The following NME7 variants were observed in gnomAD, a reference collection of about 807,000 sequenced individuals.
The protein encoded by NME7 is nucleoside diphosphate kinase 7.
In NME7, 41 loss-of-function variants were observed where a neutral mutation model predicts 49.1. That is an observed-to-expected ratio of 0.83 (90% CI 0.65 to 1.08). NME7 has a LOEUF of 1.08. Ranked by LOEUF, NME7 falls within the 50% of genes least tolerant of loss-of-function variation. The pLI is 0.00. For synonymous variants in NME7, 139 were observed against 150.6 expected (o/e 0.92, Z 0.56); for missense variants, 423 against 463.4 (o/e 0.91, Z 0.80).
At chr1:169,237,191 G>T (rs1433007681) in intron 8 of NME7, among the ~76,000 whole-genome samples, 1 of 151,924 alleles carries the variant, frequency 6.6e-6, no homozygotes, top group East Asian at 1.9e-4. Context: ...CCAAAAACCA[G>T]CAAAAGGCAC....
At chr1:169,213,568 C>T (rs910339817) in intron 10 of NME7, among the ~76,000 whole-genome samples, 4 of 152,062 alleles carry the variant, frequency 2.6e-5, no homozygotes, top group Non-Finnish European at 4.4e-5. Flanking sequence ...CTGTGTATCA[C>T]TCCCCATTAA....
Position 169,132,785 on chromosome 1 carries a change from C to T in NME7, c.1131G>A (p.Ter377=). ...TGTGACTTCTTTACTTTCCACACCACTAATTATCCAAGATCTTGAAGAAGT... is the reference window on the plus strand; with the variant it reads ...TGTGACTTCTTTACTTTCCACACCATTAATTATCCAAGATCTTGAAGAAGT... ...VQYFFKILDN[*] Residue 377 remains the stop codon, a stop_retained_variant, in exon 12 of 12, where the codon TAG becomes TAA. Coordinates refer to ENST00000367811, the MANE Select transcript of NME7 (RefSeq NM_013330.5). 6.2e-7 allele frequency: 1 copy of T among 1,613,056 alleles called. No homozygotes were observed. The highest frequency in any genetic ancestry group is 1.7e-5 in the Admixed American group (1 of 59,900).
chr1:169,179,799 C>T (rs1005634565), intron 10 of NME7, among the ~76,000 whole-genome samples: 1 of 152,026 alleles, frequency 6.6e-6, no homozygotes, highest in Non-Finnish European at 1.5e-5. Flanking sequence ...GAGCAACACA[C>T]ACTGGGGCCT....
intron 7 of NME7, among the ~76,000 whole-genome samples, chr1:169,275,524 T>C (rs1284103282): frequency 1.6e-5 from 2 of 127,794 alleles, no homozygotes; most frequent in Non-Finnish European, 3.7e-5. Flanking sequence ...GTGATTTTTG[T>C]ACATTGATTT....
intron 10 of NME7, among the ~76,000 whole-genome samples, chr1:169,218,659 ATTTTTTTTTT>A (rs34342694): frequency 3.5e-4 from 41 of 118,208 alleles, no homozygotes; most frequent in Non-Finnish European, 5.3e-4. Context: ...CCAATTTTGA[ATTTTTTTTTT>A]TTTTTTTTTT....
rs1388974337 is a variant in NME7 at position 169,324,356 on chromosome 1, C to T, written c.111+37G>A. Reference sequence around the variant, plus strand: ...AAGGCAATGGTTCCCATGTTCACCCCCTTTGCCAACATTCAAGCAAAGAAA... The same window carrying T: ...AAGGCAATGGTTCCCATGTTCACCCTCTTTGCCAACATTCAAGCAAAGAAA... On this transcript the variant is annotated intron_variant, in intron 2 of 11. Transcript: ENST00000367811. The T allele has an allele frequency of 3.0e-6, 4 of 1,338,898 alleles. 1 individual carries two copies. The South Asian group carries it at 4.8e-5, about 16-fold the overall frequency. The allele number at this position is 1,338,898 out of a possible 1,614,324, so 82.9% of individuals were successfully genotyped here.
intron 1 of NME7, among the ~76,000 whole-genome samples, chr1:169,331,376 G>A (rs1247787281): frequency 6.6e-6 from 1 of 152,016 alleles, no homozygotes; most frequent in African/African-American, 2.4e-5. Context: ...ATACTGAATG[G>A]GGAAAAACTA....
At chr1:169,152,700 T>C (rs1658946300) in intron 11 of NME7, among the ~76,000 whole-genome samples, 1 of 152,172 alleles carries the variant, frequency 6.6e-6, no homozygotes. Flanking sequence ...AGAAGAAAAT[T>C]TCTGAATGGT....
In NME7 at chr1:169,265,906, C is replaced by G. The variant is rs1021469764; in HGVS notation, c.754+21397G>C. Among the ~76,000 whole-genome samples the G allele has an allele frequency of 3.0e-5, 4 of 132,210 alleles. 1 individual carries two copies. The highest frequency in any genetic ancestry group is 1.0e-4 in the African/African-American group (4 of 39,224). 86.7% of individuals were successfully genotyped at this position (132,210 alleles called of 152,430 possible). A position where few individuals can be genotyped will look rare whatever the true frequency, so the allele number is the denominator to read the frequency against. On this transcript the variant is annotated intron_variant, in intron 7 of 11. Transcript: ENST00000367811. ...CCTGGACATGTACATCCTCCCAACA[C>G]TGAACCAAGAAGAAATTGAATCCTC...
At chr1:169,217,584 G>A (rs1042792652) in intron 10 of NME7, among the ~76,000 whole-genome samples, 3 of 152,106 alleles carry the variant, frequency 2.0e-5, no homozygotes, top group Non-Finnish European at 4.4e-5. Flanking sequence ...AGTGCTGACT[G>A]AAAACTATCC....
At chr1:169,314,736 G>A (rs1651544915) in intron 3 of NME7, among the ~76,000 whole-genome samples, 1 of 151,530 alleles carries the variant, frequency 6.6e-6, no homozygotes, top group African/African-American at 2.4e-5. Flanking sequence ...TGTACATTCT[G>A]CACACGTATC....
intron 10 of NME7, among the ~76,000 whole-genome samples, chr1:169,189,907 C>T (rs895811095): frequency 3.3e-5 from 5 of 152,064 alleles, no homozygotes; most frequent in African/African-American, 7.2e-5. Flanking sequence ...CAGGTTAATT[C>T]GTGTTCCAAA....
intron 11 of NME7, among the ~76,000 whole-genome samples, chr1:169,141,754 CT>C (rs550636234): frequency 2.0e-5 from 3 of 151,156 alleles, no homozygotes; most frequent in Non-Finnish European, 3.0e-5. Flanking sequence ...GATGGAATGC[CT>C]TTTTTTTTAT....
chr1:169,350,462 C>T (rs1208612083), intron 1 of NME7, among the ~76,000 whole-genome samples: 6 of 151,992 alleles, frequency 3.9e-5, no homozygotes, highest in East Asian at 3.9e-4. Flanking sequence ...CTGTGCAAAA[C>T]GCAGAGGGGA....
intron 7 of NME7, among the ~76,000 whole-genome samples, chr1:169,271,573 C>T (rs1039155102): frequency 1.5e-5 from 2 of 132,980 alleles, no homozygotes; most frequent in Middle Eastern, 3.8e-3. Context: ...TGAACTCTCC[C>T]TTGCAGAGTC....
chr1:169,169,164 CAG>C, intron 11 of NME7: 1 of 392,800 alleles, frequency 2.5e-6, no homozygotes, highest in East Asian at 6.2e-5. Flanking sequence ...GGCCAAGTAA[CAG>C]AGTCATCCAA....
intron 11 of NME7, among the ~76,000 whole-genome samples, chr1:169,160,308 CT>C (rs1469496949): frequency 2.6e-5 from 4 of 152,130 alleles, no homozygotes; most frequent in African/African-American, 4.8e-5. Context: ...AACCTCACCC[CT>C]GGGCCAAACT....
At chr1:169,171,697 G>A (rs1475635348) in intron 10 of NME7, among the ~76,000 whole-genome samples, 1 of 152,136 alleles carries the variant, frequency 6.6e-6, no homozygotes, top group African/African-American at 2.4e-5. Context: ...CGGCGGTGCG[G>A]AGGTTGCAGT....
At chr1:169,363,711 T>G (rs1048870786) in intron 1 of NME7, among the ~76,000 whole-genome samples, 4 of 152,226 alleles carry the variant, frequency 2.6e-5, no homozygotes, top group Non-Finnish European at 5.9e-5. Flanking sequence ...CTCAGGGTAT[T>G]TGATCTTGTT....
Sources: gnomAD v4.1 joint callset for allele counts (sites outside exome capture counted in the v4.1 genomes callset) on GRCh38, gnomAD v4.1.1 for gene constraint, MANE v1.5 for transcripts, NCBI Gene and HGNC (gene_info 2026-07-23, HGNC 2026-07-21) for gene names.